The following DMTF1 variants were observed in gnomAD, a reference collection of about 807,000 sequenced individuals.
The protein encoded by DMTF1 is cyclin D binding myb like transcription factor 1, also known as cyclin-D-binding Myb-like transcription factor 1.
A neutral mutation model predicts 91.1 loss-of-function variants in DMTF1; 39 were observed. The observed-to-expected ratio is 0.43, with a 90% CI of 0.33 to 0.56. The LOEUF is 0.56. Ranked by LOEUF, DMTF1 falls within the 20% of genes least tolerant of loss-of-function variation. The pLI, the probability that DMTF1 is intolerant of heterozygous loss-of-function variation, is 0.05. For synonymous variants in DMTF1, 338 were observed against 309.5 expected, an observed-to-expected ratio of 1.09 and a Z score of -0.97; for missense variants, 750 against 914.5, an observed-to-expected ratio of 0.82 and a Z score of 2.32.
At chr7:87,167,385 G>A (rs879582509) in intron 4 of DMTF1, among the ~76,000 whole-genome samples, 1 of 152,198 alleles carries the variant, frequency 6.6e-6, no homozygotes, top group Admixed American at 6.5e-5. Flanking sequence ...AGCAAAGAGT[G>A]TGGAGTGTTC....
At chr7:87,159,081 A>G (rs971491449) in intron 1 of DMTF1, among the ~76,000 whole-genome samples, 3 of 152,276 alleles carry the variant, frequency 2.0e-5, no homozygotes, top group Admixed American at 2.0e-4. Flanking sequence ...AATCCTGTCA[A>G]CTTTCAGCCC....
intron 4 of DMTF1, among the ~76,000 whole-genome samples, chr7:87,168,165 T>TA (rs1040160584): frequency 6.6e-6 from 1 of 152,204 alleles, no homozygotes; most frequent in Non-Finnish European, 1.5e-5. Context: ...GTCTAGATTG[T>TA]AAAAATCCTC....
At chr7:87,175,328 G>A (rs1364870787) in intron 7 of DMTF1, among the ~76,000 whole-genome samples, 1 of 152,064 alleles carries the variant, frequency 6.6e-6, no homozygotes, top group African/African-American at 2.4e-5. Context: ...GCTAAGGTAT[G>A]CATCTTTGAA....
At chr7:87,192,861 C>A in intron 14 of DMTF1, 2 of 190,002 alleles carry the variant, frequency 1.1e-5, no homozygotes, top group Non-Finnish European at 2.2e-5. Context: ...TTTTTTTAAA[C>A]TGGGGGCCTG....
intron 1 of DMTF1, chr7:87,155,538 A>G (rs1358944769): frequency 6.6e-6 from 1 of 152,234 alleles, no homozygotes; most frequent in African/African-American, 2.4e-5. Flanking sequence ...GCCAAATATT[A>G]AAGATAAAAT....
chr7:87,193,674 CATAA>C, intron 15 of DMTF1, 47 bp from the exon 16 acceptor site: 1 of 1,498,406 alleles, frequency 6.7e-7, no homozygotes, highest in South Asian at 1.3e-5. Context: ...GAGGTACCCC[CATAA>C]ATGTCATTTG....
At chr7:87,192,276 T>A (rs1432588330) in intron 14 of DMTF1, among the ~76,000 whole-genome samples, 2 of 152,116 alleles carry the variant, frequency 1.3e-5, no homozygotes, top group South Asian at 2.1e-4. Flanking sequence ...AATATATACA[T>A]GTACATATAA....
At chr7:87,154,795 C>T (rs1240407191) in intron 1 of DMTF1, among the ~76,000 whole-genome samples, 1 of 151,994 alleles carries the variant, frequency 6.6e-6, no homozygotes, top group African/African-American at 2.4e-5. Flanking sequence ...TTAGTTATCT[C>T]ATTACACCCC....
chr7:87,162,987 C>T (rs1792872629), intron 1 of DMTF1: 1 of 152,008 alleles, frequency 6.6e-6, no homozygotes, highest in Admixed American at 6.5e-5. Flanking sequence ...GTTTTTTCCA[C>T]AGATTCCTAG....
In DMTF1 at chr7:87,184,641, C is replaced by G. The variant is rs1260493289; in HGVS notation, c.1049+16C>G. The G allele has an allele frequency of 2.7e-5, 43 of 1,603,740 alleles. No individual in the cohort carries two copies. The highest frequency in any genetic ancestry group is 3.4e-5 in the Non-Finnish European group (40 of 1,171,376). On this transcript the variant is annotated intron_variant, in intron 11 of 17. Coordinates refer to ENST00000331242, the MANE Select transcript of DMTF1 (RefSeq NM_001142327.2). ...TCATCCTCAGGTTTGTGTCCTGAAT[C>G]TTGTAATGACAAAAGCAACTTAATT...
In DMTF1 at chr7:87,188,328, T is replaced by C. The variant is rs745899049; in HGVS notation, c.1411+27T>C. On this transcript the variant is annotated intron_variant, in intron 13 of 17. Coordinates refer to ENST00000331242, the MANE Select transcript of DMTF1 (RefSeq NM_001142327.2). The stretch of plus-strand genomic sequence containing the variant: ...TAAGTGTTTGATCTTCAAGATTCCT[T>C]GCTGTTTGATCTATATGATTTGGTT... 14 of 1,611,342 alleles carry C rather than the reference T, an allele frequency of 8.7e-6. No individual in the cohort carries two copies. The South Asian group carries it at 1.4e-4, about 16-fold the overall frequency.
chr7:87,179,597 A>G lies in DMTF1; in HGVS notation c.572A>G (p.Glu191Gly). The G allele has an allele frequency of 1.9e-6, 3 of 1,564,950 alleles. No homozygotes were observed. The highest frequency in any genetic ancestry group is 2.6e-6 in the Non-Finnish European group (3 of 1,164,426). Residue 191 changes from glutamate to glycine, a missense_variant, in exon 8 of 18, where the codon GAA becomes GGA. Around this residue, in one of 3 missense-constraint regions of DMTF1, gnomAD observed 190 missense variants for 343.8 expected, o/e 0.55. Transcript: ENST00000331242. The part of the protein sequence containing the change: ...TEIIFEMSKD[E>G]RKDFYRTIAW... ...ATCATCTTTGAGATGTCAAAAGACGAAAGAAAAGATTTCTACAGGACTATA... is the reference window on the plus strand; with the variant it reads ...ATCATCTTTGAGATGTCAAAAGACGGAAGAAAAGATTTCTACAGGACTATA...
In DMTF1 at chr7:87,185,809, T is replaced by G. The variant is rs1392553384; in HGVS notation, c.1050-20T>G. 14 of 1,613,384 alleles carry G rather than the reference T, an allele frequency of 8.7e-6. No homozygotes were observed. Among genetic ancestry groups the G allele is most frequent in the Non-Finnish European group, 1.2e-5 (14 of 1,179,480 alleles). ...GAGAAATTAATTTAATGTCTAACGATGCTTATTTTGTAACTGTAGGATAGC... is the reference window on the plus strand; with the variant it reads ...GAGAAATTAATTTAATGTCTAACGAGGCTTATTTTGTAACTGTAGGATAGC... On this transcript the variant is annotated intron_variant, in intron 11 of 17. Coordinates refer to ENST00000331242, the MANE Select transcript of DMTF1 (RefSeq NM_001142327.2).
At chr7:87,161,852 T>A (rs566144870) in intron 1 of DMTF1, among the ~76,000 whole-genome samples, 1 of 152,328 alleles carries the variant, frequency 6.6e-6, no homozygotes, top group Non-Finnish European at 1.5e-5. Flanking sequence ...AGAGTACAGT[T>A]TGCATCTCAA....
In DMTF1 at chr7:87,193,324, C is replaced by G. The variant is rs140778934; in HGVS notation, c.1621C>G (p.Pro541Ala). 6.2e-7 allele frequency: 1 copy of G among 1,613,348 alleles called. No individual in the cohort carries two copies. Among genetic ancestry groups the G allele is most frequent in the Non-Finnish European group, 8.5e-7 (1 of 1,179,540 alleles). Residue 541 changes from proline to alanine, a missense_variant, in exon 15 of 18, where the codon CCT becomes GCT. Pro to Ala is a conservative substitution (Grantham distance 27, BLOSUM62 -1). Coordinates refer to ENST00000331242, the MANE Select transcript of DMTF1 (RefSeq NM_001142327.2). ...VTLTAAAPAS[P>A]EQIIVHALSP... ...CCTGACAGCTGCTGCTCCTGCTTCT[C>G]CTGAACAGATTATTGTTCATGCTTT...
At position 87,195,977 on chromosome 7, in the gene DMTF1, T is replaced by TTA. The variant is rs1801144363; in HGVS notation, c.*838_*839dup. 1 of 152,472 alleles carries TTA rather than the reference T, an allele frequency of 6.6e-6. No individual in the cohort carries two copies. Among genetic ancestry groups the TTA allele is most frequent in the African/African-American group, 2.4e-5 (1 of 41,536 alleles). 9.4% of individuals were successfully genotyped at this position (152,472 alleles called of 1,614,324 possible). Reference sequence around the variant, plus strand: ...AATAGTTTGTCATCCACTTAGTGTGTTAGCTGGTGGGGTACAATATAACCT... The same window carrying TTA: ...AATAGTTTGTCATCCACTTAGTGTGTTATAGCTGGTGGGGTACAATATAACCT... On this transcript the variant is annotated 3_prime_UTR_variant, in exon 18 of 18. Transcript: ENST00000331242.
intron 5 of DMTF1, among the ~76,000 whole-genome samples, chr7:87,173,114 C>G (rs1049523413): frequency 6.6e-6 from 1 of 152,132 alleles, no homozygotes. Flanking sequence ...AACACCCAAC[C>G]CTAGGACTTC....
At chr7:87,190,914 C>T in intron 13 of DMTF1, 31 bp from the exon 14 acceptor site, 1 of 1,561,896 alleles carries the variant, frequency 6.4e-7, no homozygotes, top group South Asian at 1.2e-5. Flanking sequence ...GTAAATTATT[C>T]TTACCACAGC....
At chr7:87,178,430 G>C (rs1796691709) in intron 7 of DMTF1, among the ~76,000 whole-genome samples, 1 of 151,694 alleles carries the variant, frequency 6.6e-6, no homozygotes, top group South Asian at 2.1e-4. Flanking sequence ...CTGATTATCA[G>C]TGAATCCTAA....
Sources: gnomAD v4.1 joint callset for allele counts (sites outside exome capture counted in the v4.1 genomes callset) on GRCh38, gnomAD v4.1.1 for gene constraint, gnomAD v4.1.1 regional missense constraint, MANE v1.5 for transcripts, NCBI Gene and HGNC (gene_info 2026-07-23, HGNC 2026-07-21) for gene names.